SORCS1: variants seen among roughly 807,000 people sequenced by gnomAD.
SORCS1 encodes sortilin related VPS10 domain containing receptor 1, also known as VPS10 domain-containing receptor SorCS1.
SORCS1 carries 60 observed loss-of-function variants against 146.1 expected under a neutral mutation model. The ratio of observed to expected loss-of-function variants is 0.41; its 90% CI spans 0.33 to 0.51. SORCS1 has a LOEUF of 0.51. Among genes scored for constraint, SORCS1 ranks in the 20% least tolerant of loss-of-function variants. The probability of loss-of-function intolerance (pLI) is 0.21; values close to 1 mark genes in which losing one functional copy is unlikely to be tolerated. For missense variants in SORCS1, 1,352 were observed against 1,487.6 expected (o/e 0.91, Z 1.50); for synonymous variants, 637 against 584.0 (o/e 1.09, Z -1.31).
chr10:106,940,792 G>A (rs1954002402), intron 2 of SORCS1, among the ~76,000 whole-genome samples: 1 of 152,218 alleles, frequency 6.6e-6, no homozygotes, highest in Non-Finnish European at 1.5e-5. Context: ...ACTGAAGCAG[G>A]AGAACTGCTT....
chr10:106,769,640 C>T (rs1385453630), intron 4 of SORCS1, among the ~76,000 whole-genome samples: 1 of 152,002 alleles, frequency 6.6e-6, no homozygotes, highest in Non-Finnish European at 1.5e-5. Flanking sequence ...AGGCAGAGAA[C>T]TAAAATTAGT....
chr10:106,629,091 T>G, intron 19 of SORCS1, 111 bp downstream of exon 19: 3 of 942,432 alleles, frequency 3.2e-6, no homozygotes, highest in Non-Finnish European at 4.7e-6. Flanking sequence ...CCCATTCCCC[T>G]TCTGCTAAAA....
chr10:107,005,466 CTT>C (rs922428233), intron 1 of SORCS1, among the ~76,000 whole-genome samples: 1 of 151,908 alleles, frequency 6.6e-6, no homozygotes, highest in African/African-American at 2.4e-5. Flanking sequence ...TTTTTGAAAA[CTT>C]TCACAAATAA....
chr10:106,686,845 G>A (rs1195122753), intron 10 of SORCS1, among the ~76,000 whole-genome samples: 3 of 152,154 alleles, frequency 2.0e-5, no homozygotes, highest in Admixed American at 6.5e-5. Flanking sequence ...AGATGAACCT[G>A]CAAAGTGACT....
At chr10:107,064,459 C>G (rs1420445233) in intron 1 of SORCS1, among the ~76,000 whole-genome samples, 3 of 152,202 alleles carry the variant, frequency 2.0e-5, no homozygotes, top group Non-Finnish European at 4.4e-5. Flanking sequence ...CAAGAAAACA[C>G]TGTTTGGGAG....
intron 17 of SORCS1, among the ~76,000 whole-genome samples, chr10:106,663,794 C>T (rs778321396): frequency 3.1e-4 from 47 of 152,284 alleles, no homozygotes; most frequent in Middle Eastern, 3.4e-3. Flanking sequence ...TAAGGGTCTT[C>T]GTGTTCCTAA....
intron 23 of SORCS1, among the ~76,000 whole-genome samples, chr10:106,597,751 A>T (rs1845991039): frequency 6.6e-6 from 1 of 152,216 alleles, no homozygotes; most frequent in Non-Finnish European, 1.5e-5. Context: ...GTCTTTTGAG[A>T]GAACATTTGT....
At chr10:107,142,598 T>G (rs2134729602) in intron 1 of SORCS1, among the ~76,000 whole-genome samples, 1 of 152,366 alleles carries the variant, frequency 6.6e-6, no homozygotes, top group South Asian at 2.1e-4. Context: ...TGCACTGGTC[T>G]ATATTAAAAT....
At chr10:106,671,090 T>G (rs1399361877) in intron 16 of SORCS1, 147 bp downstream of exon 16, 1 of 1,032,282 alleles carries the variant, frequency 9.7e-7, no homozygotes, top group Non-Finnish European at 1.4e-6. Context: ...TACACATAGC[T>G]AGTAAACTAT....
At chr10:107,124,481 C>T (rs1388814842) in intron 1 of SORCS1, among the ~76,000 whole-genome samples, 2 of 152,064 alleles carry the variant, frequency 1.3e-5, no homozygotes, top group Non-Finnish European at 2.9e-5. Flanking sequence ...TTCTCCCAAA[C>T]CGGTGACTAT....
chr10:106,959,052 T>A (rs1415441710), intron 1 of SORCS1, among the ~76,000 whole-genome samples: 7 of 152,164 alleles, frequency 4.6e-5, no homozygotes. Flanking sequence ...CCCATTCTTG[T>A]GATGAGGGAA....
intron 10 of SORCS1, among the ~76,000 whole-genome samples, chr10:106,680,453 G>A (rs537958398): frequency 2.0e-5 from 3 of 152,180 alleles, no homozygotes; most frequent in South Asian, 2.1e-4. Context: ...CCAAATACCC[G>A]CCAGACAACT....
chr10:106,604,326 G>T (rs1442622008), intron 23 of SORCS1, among the ~76,000 whole-genome samples: 1 of 152,146 alleles, frequency 6.6e-6, no homozygotes, highest in Non-Finnish European at 1.5e-5. Flanking sequence ...GAGAATGAAA[G>T]GACCCCTCCT....
At chr10:106,966,853 C>T (rs1270472303) in intron 1 of SORCS1, among the ~76,000 whole-genome samples, 1 of 151,990 alleles carries the variant, frequency 6.6e-6, no homozygotes, top group Admixed American at 6.6e-5. Context: ...GGGTTTTCTC[C>T]CTTTGCTGAA....
At chr10:106,623,130 C>T (rs1194075843) in intron 19 of SORCS1, among the ~76,000 whole-genome samples, 2 of 152,128 alleles carry the variant, frequency 1.3e-5, no homozygotes, top group Non-Finnish European at 2.9e-5. Context: ...GACATTCTTC[C>T]TGAGTCCCTC....
chr10:106,931,719 G>A (rs1309292554), intron 2 of SORCS1, among the ~76,000 whole-genome samples: 1 of 152,142 alleles, frequency 6.6e-6, no homozygotes, highest in Non-Finnish European at 1.5e-5. Flanking sequence ...TTTTAGGGTT[G>A]TGTATGTCAG....
chr10:106,876,154 T>C (rs1277726727), intron 2 of SORCS1, among the ~76,000 whole-genome samples: 3 of 152,204 alleles, frequency 2.0e-5, no homozygotes, highest in Admixed American at 2.0e-4. Flanking sequence ...AACCAGGCAA[T>C]TGCTGAAGCA....
chr10:106,902,107 T>A (rs559120584), intron 2 of SORCS1, among the ~76,000 whole-genome samples: 2 of 152,256 alleles, frequency 1.3e-5, no homozygotes, highest in South Asian at 4.1e-4. Flanking sequence ...AATATGATAA[T>A]GTACAATACT....
chr10:106,820,277 C>G (rs145155416), intron 3 of SORCS1, among the ~76,000 whole-genome samples: 4 of 152,300 alleles, frequency 2.6e-5, no homozygotes, highest in Admixed American at 2.6e-4. Context: ...ATATCCCATA[C>G]AGCAGGCCTT....
Sources: gnomAD v4.1 joint callset for allele counts (sites outside exome capture counted in the v4.1 genomes callset) on GRCh38, gnomAD v4.1.1 for gene constraint, MANE v1.5 for transcripts, NCBI Gene and HGNC (gene_info 2026-07-23, HGNC 2026-07-21) for gene names.